Variants in STAU2 observed in about 807,000 individuals in gnomAD.
STAU2 encodes the protein staufen double-stranded RNA binding protein 2.
A neutral mutation model predicts 65.9 loss-of-function variants in STAU2; 20 were observed. The observed-to-expected ratio is 0.30, with a 90% CI of 0.21 to 0.44. The LOEUF is 0.44. STAU2 is among the 20% of genes least tolerant of loss of function. STAU2 has a pLI of 1.00. For synonymous variants in STAU2, 232 were observed against 233.9 expected (o/e 0.99, Z 0.07); for missense variants, 558 against 683.9 (o/e 0.82, Z 2.05).
At chr8:73,496,210 A>G (rs747156635) in intron 13 of STAU2, among the ~76,000 whole-genome samples, 1 of 151,622 alleles carries the variant, frequency 6.6e-6, no homozygotes, top group African/African-American at 2.4e-5. Context: ...GTGTGTGTGC[A>G]TCAAAAATAC....
At chr8:73,606,085 C>T (rs577159925) in intron 9 of STAU2, among the ~76,000 whole-genome samples, 11 of 151,812 alleles carry the variant, frequency 7.2e-5, no homozygotes. Flanking sequence ...ACTCAAAATG[C>T]CTCACAGACG....
At chr8:73,602,812 T>C (rs1355770187) in intron 10 of STAU2, among the ~76,000 whole-genome samples, 2 of 151,760 alleles carry the variant, frequency 1.3e-5, no homozygotes, top group African/African-American at 4.8e-5. Flanking sequence ...ATGATTCTAA[T>C]GAATCATGTC....
intron 13 of STAU2, among the ~76,000 whole-genome samples, chr8:73,538,203 ATTAG>A (rs1806307746): frequency 6.6e-6 from 1 of 152,228 alleles, no homozygotes; most frequent in African/African-American, 2.4e-5. Flanking sequence ...AAATCTGTAC[ATTAG>A]TTAAGAGTTT....
At chr8:73,669,699 T>C (rs1817527798) in intron 6 of STAU2, among the ~76,000 whole-genome samples, 1 of 150,386 alleles carries the variant, frequency 6.6e-6, no homozygotes, top group African/African-American at 2.5e-5. Context: ...TTCTCTCTCT[T>C]CCTTTGAGGT....
intron 13 of STAU2, among the ~76,000 whole-genome samples, chr8:73,506,739 T>G (rs1473552365): frequency 6.6e-6 from 1 of 152,176 alleles, no homozygotes; most frequent in Non-Finnish European, 1.5e-5. Flanking sequence ...CTCTGTAGTA[T>G]GCAATGCTGT....
chr8:73,652,242 T>C (rs562167482), intron 6 of STAU2: 5 of 152,178 alleles, frequency 3.3e-5, no homozygotes, highest in Non-Finnish European at 7.3e-5. Flanking sequence ...GAAGTATGCA[T>C]TACTTACTAG....
At chr8:73,561,610 G>C in intron 12 of STAU2, 2 of 446,688 alleles carry the variant, frequency 4.5e-6, no homozygotes, top group South Asian at 3.2e-5. Flanking sequence ...TGATCTCTCA[G>C]CAGGAAGAAA....
At chr8:73,441,275 C>T (rs760312484) in intron 13 of STAU2, 12 of 152,208 alleles carry the variant, frequency 7.9e-5, no homozygotes, top group Non-Finnish European at 4.4e-5. Flanking sequence ...CGTGGTGGCT[C>T]ACACCTGTAA....
At chr8:73,726,998 G>C (rs952699111) in intron 3 of STAU2, among the ~76,000 whole-genome samples, 1 of 152,170 alleles carries the variant, frequency 6.6e-6, no homozygotes, top group African/African-American at 2.4e-5. Flanking sequence ...GGGAGGCCGA[G>C]GCAGGTGGAT....
At chr8:73,423,891 G>T (rs1816586883) in intron 13 of STAU2, among the ~76,000 whole-genome samples, 2 of 152,110 alleles carry the variant, frequency 1.3e-5, no homozygotes, top group Non-Finnish European at 2.9e-5. Context: ...AACAAATATT[G>T]ATAGCTTATC....
rs996480750 is a variant in STAU2 at position 73,613,776 on chromosome 8, A to G, written c.859T>C (p.Phe287Leu). ...ATTGTTTTAGGGCGTTTTTTAAAAA[A>G]TAGTTTTGGCTTTTCCACCACAGGA... is the stretch of plus-strand genomic sequence containing the variant. ...PLPVVEKPKL[F>L]FKKRPKTIVK... The change falls in exon 9 of 15, where the codon TTT becomes CTT. Residue 287 changes from phenylalanine (F) to leucine (L), a missense_variant. By Grantham distance (22) the Phe-to-Leu change is conservative. Coordinates refer to ENST00000524300, the MANE Select transcript of STAU2 (RefSeq NM_001164380.2). 6.2e-7 allele frequency: 1 copy of G among 1,612,338 alleles called. No homozygotes were observed. Among genetic ancestry groups the G allele is most frequent in the Non-Finnish European group, 8.5e-7 (1 of 1,179,584 alleles).
intron 13 of STAU2, among the ~76,000 whole-genome samples, chr8:73,489,413 T>G (rs1275989798): frequency 6.6e-6 from 1 of 152,056 alleles, no homozygotes; most frequent in Non-Finnish European, 1.5e-5. Context: ...GTACAACTGA[T>G]GGAGGTCTTA....
At chr8:73,568,960 C>G (rs1348505957) in intron 12 of STAU2, among the ~76,000 whole-genome samples, 1 of 152,120 alleles carries the variant, frequency 6.6e-6, no homozygotes, top group African/African-American at 2.4e-5. Context: ...CCAGGTTCAT[C>G]TCACTGGGGC....
At chr8:73,534,668 T>C (rs1030509009) in intron 13 of STAU2, among the ~76,000 whole-genome samples, 15 of 152,216 alleles carry the variant, frequency 9.9e-5, no homozygotes, top group Non-Finnish European at 1.8e-4. Context: ...ACAAGATATA[T>C]AATTATTGAA....
chr8:73,635,502 C>A (rs902135211), intron 6 of STAU2, among the ~76,000 whole-genome samples: 1 of 152,010 alleles, frequency 6.6e-6, no homozygotes, highest in Non-Finnish European at 1.5e-5. Context: ...TATTCCAAAG[C>A]CCCTGGAATA....
rs976036422 is a variant in STAU2, at chr8:73,467,393, A to G, written c.1531-44691T>C. On this transcript the variant is annotated intron_variant, in intron 13 of 14. Coordinates refer to ENST00000524300, the MANE Select transcript of STAU2 (RefSeq NM_001164380.2). Reference sequence around the variant, plus strand: ...TAAAAATACAAAAAATTAGCCGGGCATGGTGGCGGGCGCCTGTAGTCCCAG... The same window carrying G: ...TAAAAATACAAAAAATTAGCCGGGCGTGGTGGCGGGCGCCTGTAGTCCCAG... Among the ~76,000 whole-genome samples, 16 of 152,230 alleles carry G rather than the reference A, an allele frequency of 1.1e-4. No individual in the cohort carries two copies. In the East Asian group the frequency reaches 2.1e-3, roughly 20 times the overall value.
chr8:73,596,720 A>C (rs1328050910), intron 10 of STAU2, among the ~76,000 whole-genome samples: 2 of 152,086 alleles, frequency 1.3e-5, no homozygotes, highest in Non-Finnish European at 2.9e-5. Context: ...ATGATGGTGC[A>C]TGGCTGTAGT....
In STAU2 at chr8:73,422,571, T is replaced by A. The variant is rs374876392; in HGVS notation, c.1619+43A>T. The A allele has an allele frequency of 1.7e-5, 24 of 1,411,756 alleles. No individual in the cohort carries two copies. In the African/African-American group the frequency reaches 3.4e-4, roughly 20 times the overall value. The allele number at this position is 1,411,756 out of a possible 1,614,324, so 87.5% of individuals were successfully genotyped here. A position where few individuals can be genotyped will look rare whatever the true frequency, so the allele number is the denominator to read the frequency against. ...TATCTATGTCTTATCTTTTGTACAG[T>A]TACAATTAAAAGTGTAAGAATACTG... On this transcript the variant is annotated intron_variant, in intron 14 of 14. Transcript: ENST00000524300.
intron 13 of STAU2, among the ~76,000 whole-genome samples, chr8:73,470,305 T>C (rs1340983670): frequency 6.6e-6 from 1 of 152,164 alleles, no homozygotes; most frequent in Non-Finnish European, 1.5e-5. Context: ...GTTTTGCTTT[T>C]CCTTTGGTTT....
Sources: gnomAD v4.1 joint callset for allele counts (sites outside exome capture counted in the v4.1 genomes callset) on GRCh38, gnomAD v4.1.1 for gene constraint, MANE v1.5 for transcripts, NCBI Gene and HGNC (gene_info 2026-07-23, HGNC 2026-07-21) for gene names.